Variants in ALG3 observed in about 807,000 individuals in gnomAD.
ALG3 encodes dol-P-Man:Man(5)GlcNAc(2)-PP-Dol alpha-1,3-mannosyltransferase.
ALG3 carries 39 observed loss-of-function variants against 50.5 expected under a neutral mutation model. The ratio of observed to expected loss-of-function variants is 0.77; its 90% CI spans 0.60 to 1.01. The LOEUF (loss-of-function observed/expected upper bound fraction) is 1.01. ALG3 is among the 50% of genes least tolerant of loss of function. ALG3 has a pLI of 0.00. For synonymous variants in ALG3, 252 were observed against 237.2 expected, an observed-to-expected ratio of 1.06 and a Z score of -0.58; for missense variants, 520 against 554.8, an observed-to-expected ratio of 0.94 and a Z score of 0.63.
At chr3:184,248,656 T>C in intron 1 of ALG3, 89 bp downstream of exon 1, 1 of 1,209,468 alleles carries the variant, frequency 8.3e-7, no homozygotes, top group Non-Finnish European at 1.1e-6. Context: ...GGATACAGAG[T>C]CTGGTTTGGA....
chr3:184,243,817 C>T lies in ALG3; in HGVS notation c.906G>A (p.Leu302=). ...TGTGCCACCTGCAGAGGGCAAACAGCAGGAGCAGGGTGAGGTGGGCAGTCA... is the reference window on the plus strand; with the variant it reads ...TGTGCCACCTGCAGAGGGCAAACAGTAGGAGCAGGGTGAGGTGGGCAGTCA... ...ALLTAHLTLL[L]LFALCRWHRT... The change falls in exon 6 of 9, where the codon CTG becomes CTA. Residue 302 remains leucine (L), a synonymous_variant. Transcript: ENST00000397676. 1.9e-6 allele frequency: 3 copies of T among 1,613,910 alleles called. No individual in the cohort carries two copies. The highest frequency in any genetic ancestry group is 2.5e-6 in the Non-Finnish European group (3 of 1,179,868).
chr3:184,245,450 C>T lies in ALG3; in HGVS notation c.444+18G>A, dbSNP rs1231856037. The T allele has an allele frequency of 1.9e-6, 3 of 1,613,688 alleles. No homozygotes were observed. The highest frequency in any genetic ancestry group is 1.3e-5 in the African/African-American group (1 of 75,064). On this transcript the variant is annotated intron_variant, in intron 3 of 8. Coordinates refer to ENST00000397676, the MANE Select transcript of ALG3 (RefSeq NM_005787.6). ...CCTCCCAGGCTGGGGCCCTCTAGCC[C>T]TGGTAGCATGGACTCACCTTGCAGG...
intron 1 of ALG3, 101 bp downstream of exon 1, chr3:184,248,644 G>GC: frequency 9.0e-7 from 1 of 1,106,008 alleles, no homozygotes; most frequent in Non-Finnish European, 1.3e-6. Flanking sequence ...TGACGAGTGA[G>GC]TGGATACAGA....
At position 184,245,626 on chromosome 3, in the gene ALG3, A is replaced by G. The variant is rs754433000; in HGVS notation, c.297-11T>C. The G allele has an allele frequency of 4.3e-6, 7 of 1,612,372 alleles. No individual in the cohort carries two copies. The South Asian group carries it at 5.5e-5, about 13-fold the overall frequency. On this transcript the variant is annotated splice_polypyrimidine_tract_variant and intron_variant, in intron 2 of 8. Transcript: ENST00000397676. ...AAACCAGCTGGGTACCTGGAAGATGAGAGAAAATGTGAGCCTGGGTCAGGT... is the reference window on the plus strand; with the variant it reads ...AAACCAGCTGGGTACCTGGAAGATGGGAGAAAATGTGAGCCTGGGTCAGGT...
chr3:184,245,256 A>T lies in ALG3; in HGVS notation c.547T>A (p.Phe183Ile). Reference sequence around the variant, plus strand: ...GCCAGCAGGAGGTTGATACTGAGGAAGAGCAGCACCATGGCCACTGGGTCA... The same window carrying T: ...GCCAGCAGGAGGTTGATACTGAGGATGAGCAGCACCATGGCCACTGGGTCA... ...FNDPVAMVLL[F>I]LSINLLLAQR... is the part of the protein sequence containing the mutation. Residue 183 changes from phenylalanine (F) to isoleucine (I), a missense_variant, in exon 4 of 9, where the codon TTC (phenylalanine) becomes ATC (isoleucine). Phe to Ile is a conservative substitution (Grantham distance 21, BLOSUM62 0). Transcript: ENST00000397676. The T allele has an allele frequency of 6.2e-7, 1 of 1,613,900 alleles. No individual in the cohort carries two copies. The highest frequency in any genetic ancestry group is 1.1e-5 in the South Asian group (1 of 91,046).
Position 184,245,319 on chromosome 3 carries a change from A to C in ALG3, c.484T>G (p.Tyr162Asp). 1.9e-6 allele frequency: 3 copies of C among 1,613,314 alleles called. No homozygotes were observed. The highest frequency in any genetic ancestry group is 2.5e-6 in the Non-Finnish European group (3 of 1,179,586). Reference protein sequence around the residue: ...FVFFFMCCASYRVHSIFVLRL... With the variant: ...FVFFFMCCASDRVHSIFVLRL... ...AGCACAAAGATGGAGTGGACACGGT[A>C]AGAGGCGCAGCACATGAAGAAAAAG... The change falls in exon 4 of 9, where the codon TAC (tyrosine) becomes GAC (aspartate). Residue 162 changes from tyrosine to aspartate, a missense_variant. Physicochemically the swap from Tyr to Asp is radical, Grantham distance 160. Around this residue, in one of 3 missense-constraint regions of ALG3, gnomAD observed 290 missense variants for 265.9 expected, o/e 1.09. Transcript: ENST00000397676.
chr3:184,244,672 G>A lies in ALG3; in HGVS notation c.655C>T (p.Leu219=). 3 of 1,610,742 alleles carry A rather than the reference G, an allele frequency of 1.9e-6. No individual in the cohort carries two copies. The highest frequency in any genetic ancestry group is 2.2e-5 in the South Asian group (2 of 90,162). Residue 219 remains leucine, a synonymous_variant, in exon 5 of 9, where the codon CTG becomes TTG. Transcript: ENST00000397676. The part of the protein sequence containing the change: ...MNVLLFAPGL[L]FLLLTQFGFR... ...CCAAACTGTGTGAGGAGAAGAAACAGTAACCCAGGGGCGAAGAGCAGCACA... is the reference window on the plus strand; with the variant it reads ...CCAAACTGTGTGAGGAGAAGAAACAATAACCCAGGGGCGAAGAGCAGCACA...
At chr3:184,242,792 C>T (rs1170209398) in intron 8 of ALG3, 21 bp downstream of exon 8, 1 of 1,613,008 alleles carries the variant, frequency 6.2e-7, no homozygotes, top group Non-Finnish European at 8.5e-7. Flanking sequence ...TCCCACTCCC[C>T]CAGGTTGTCC....
chr3:184,245,137 A>G (rs771183881), intron 4 of ALG3, 61 bp downstream of exon 4: 15 of 1,597,778 alleles, frequency 9.4e-6, no homozygotes, highest in Non-Finnish European at 1.3e-5. Context: ...CTGCTGCAGG[A>G]AATTGGGAAG....
At position 184,243,635 on chromosome 3, in the gene ALG3, A is replaced by C; in HGVS notation, c.933-5T>G. ...GACAAGATACTTTCCCCTGTCCTGGAGAAAAGCCATTCAGACAGTTATCAA... is the reference window on the plus strand; with the variant it reads ...GACAAGATACTTTCCCCTGTCCTGGCGAAAAGCCATTCAGACAGTTATCAA... On this transcript the variant is annotated splice_region_variant and splice_polypyrimidine_tract_variant and intron_variant, in intron 6 of 8. Transcript: ENST00000397676. The C allele has an allele frequency of 8.7e-6, 14 of 1,613,896 alleles. No homozygotes were observed. The highest frequency in any genetic ancestry group is 1.2e-5 in the Non-Finnish European group (14 of 1,179,854).
chr3:184,244,905 T>C (rs949525754), intron 4 of ALG3, 184 bp from the exon 5 acceptor site: 1 of 843,832 alleles, frequency 1.2e-6, no homozygotes, highest in African/African-American at 1.7e-5. Context: ...AGGAGGCAGA[T>C]ACATAGTCTC....
intron 5 of ALG3, 104 bp from the exon 6 acceptor site, chr3:184,244,100 G>T: frequency 8.6e-7 from 1 of 1,167,840 alleles, no homozygotes; most frequent in Non-Finnish European, 1.2e-6. Context: ...AGGCCTCAGA[G>T]GTTCCCCAAT....
rs559178370 is a variant in ALG3 at position 184,248,749 on chromosome 3, C to A, written c.192G>T (p.Val64=). The A allele has an allele frequency of 7.7e-6, 12 of 1,567,320 alleles. No homozygotes were observed. In the South Asian group the frequency reaches 1.4e-4, roughly 18 times the overall value. ...VGITFWVIHR[V]AYTEIDWKAY... ...CCTCCCCCTCGGCGCACTCACATGC[C>A]ACCCTGTGAATGACCCAGAAGGTGA... Residue 64 remains valine, a synonymous_variant, in exon 1 of 9, where the codon GTG becomes GTT. Transcript: ENST00000397676.
At chr3:184,248,625 G>C in intron 1 of ALG3, 120 bp downstream of exon 1, 1 of 928,768 alleles carries the variant, frequency 1.1e-6, no homozygotes, top group Non-Finnish European at 1.6e-6. Context: ...ATATGGATGG[G>C]TTCGCAATTG....
At position 184,242,317 on chromosome 3, in the gene ALG3, G is replaced by A. The variant is rs1718819969; in HGVS notation, c.*197C>T. 1 of 788,160 alleles carries A rather than the reference G, an allele frequency of 1.3e-6. No homozygotes were observed. Among genetic ancestry groups the A allele is most frequent in the East Asian group, 2.7e-5 (1 of 37,358 alleles). The allele number at this position is 788,160 out of a possible 1,614,324, so 48.8% of individuals were successfully genotyped here. On this transcript the variant is annotated 3_prime_UTR_variant, in exon 9 of 9. Coordinates refer to ENST00000397676, the MANE Select transcript of ALG3 (RefSeq NM_005787.6). ...CAGTCCCCAAATCCTATGCAATAAA[G>A]TGCCTCTTAGGACTGCTTGAGTGAA... is the stretch of plus-strand genomic sequence containing the variant.
chr3:184,245,906 G>A, intron 1 of ALG3, 94 bp from the exon 2 acceptor site: 1 of 965,260 alleles, frequency 1.0e-6, no homozygotes, highest in East Asian at 2.6e-5. Flanking sequence ...CAGACTTTCA[G>A]CCAATTCCCA....
chr3:184,245,611 G>A lies in ALG3; in HGVS notation c.301C>T (p.Pro101Ser), dbSNP rs761211153. Residue 101 changes from proline (P) to serine (S), a missense_variant, in exon 3 of 9, where the codon CCA becomes TCA. Pro to Ser is a moderately conservative substitution (Grantham distance 74, BLOSUM62 -1). Around this residue, in one of 3 missense-constraint regions of ALG3, gnomAD observed 290 missense variants for 265.9 expected, o/e 1.09. Coordinates refer to ENST00000397676, the MANE Select transcript of ALG3 (RefSeq NM_005787.6). ...ATAAAGATGTACACGAAACCAGCTG[G>A]GTACCTGGAAGATGAGAGAAAATGT... ...LQGDTGPLVYPAGFVYIFMGL... is the reference protein window; with the variant it reads ...LQGDTGPLVYSAGFVYIFMGL... 2 of 1,612,742 alleles carry A rather than the reference G, an allele frequency of 1.2e-6. No individual in the cohort carries two copies. The highest frequency in any genetic ancestry group is 4.5e-5 in the East Asian group (2 of 44,870).
intron 1 of ALG3, among the ~76,000 whole-genome samples, chr3:184,246,385 AC>A: frequency 6.6e-6 from 1 of 152,252 alleles, no homozygotes. Context: ...ATTCCCCAAG[AC>A]CCTTAAGATA....
chr3:184,249,295 C>T, upstream of ALG3: 2 of 1,607,636 alleles, frequency 1.2e-6, no homozygotes, highest in South Asian at 2.2e-5. Flanking sequence ...CATGCTGTCT[C>T]TCCAGGAGGG....
Sources: gnomAD v4.1 joint callset for allele counts (sites outside exome capture counted in the v4.1 genomes callset) on GRCh38, gnomAD v4.1.1 for gene constraint, gnomAD v4.1.1 regional missense constraint, MANE v1.5 for transcripts, NCBI Gene and HGNC (gene_info 2026-07-23, HGNC 2026-07-21) for gene names.